The following SERPINB7 variants were observed in gnomAD, a reference collection of about 807,000 sequenced individuals.
The protein encoded by SERPINB7 is serpin family B member 7, also known as serpin B7.
A neutral mutation model predicts 37.4 loss-of-function variants in SERPINB7; 31 were observed. That is an observed-to-expected ratio of 0.83 (90% confidence interval 0.62 to 1.12). The LOEUF is 1.12. SERPINB7 is among the 50% of genes most tolerant of loss of function. The pLI, the probability that SERPINB7 is intolerant of heterozygous loss-of-function variation, is 0.00. For synonymous variants in SERPINB7, 163 were observed against 166.1 expected (o/e 0.98, Z 0.14); for missense variants, 521 against 455.3 (o/e 1.14, Z -1.31).
chr18:63,790,508 A>C (rs1339243780), intron 2 of SERPINB7, among the ~76,000 whole-genome samples: 1 of 152,288 alleles, frequency 6.6e-6, no homozygotes, highest in African/African-American at 2.4e-5. Flanking sequence ...TATAGTTTTT[A>C]AATTTGGTTG....
intron 1 of SERPINB7, among the ~76,000 whole-genome samples, chr18:63,767,870 G>A (rs1031982246): frequency 6.6e-6 from 1 of 152,054 alleles, no homozygotes; most frequent in Non-Finnish European, 1.5e-5. Context: ...CAGGTGATTT[G>A]TTTAATATGG....
intron 7 of SERPINB7, among the ~76,000 whole-genome samples, chr18:63,802,597 A>G (rs1255464414): frequency 6.6e-6 from 1 of 152,210 alleles, no homozygotes; most frequent in African/African-American, 2.4e-5. Context: ...ATTTGTGTGT[A>G]TGTATGTGCA....
chr18:63,762,632 G>T (rs149614084), intron 1 of SERPINB7, among the ~76,000 whole-genome samples: 1 of 152,164 alleles, frequency 6.6e-6, no homozygotes, highest in Non-Finnish European at 1.5e-5. Context: ...TGATAGCTCT[G>T]GGGGAGTGAC....
chr18:63,796,717 C>T (rs932730853), intron 5 of SERPINB7, among the ~76,000 whole-genome samples: 5 of 152,096 alleles, frequency 3.3e-5, no homozygotes, highest in Non-Finnish European at 4.4e-5. Flanking sequence ...ATCTCACCCT[C>T]GTTAGTGAAC....
intron 1 of SERPINB7, among the ~76,000 whole-genome samples, chr18:63,762,659 C>T (rs1247502014): frequency 6.6e-6 from 1 of 152,166 alleles, no homozygotes; most frequent in Admixed American, 6.5e-5. Flanking sequence ...AGAAAACTAA[C>T]AAGAGTTAGA....
chr18:63,766,266 C>A (rs1192418143), intron 1 of SERPINB7, among the ~76,000 whole-genome samples: 1 of 152,096 alleles, frequency 6.6e-6, no homozygotes, highest in Non-Finnish European at 1.5e-5. Context: ...TCCCGTTTCC[C>A]ATTAGTTTTC....
intron 2 of SERPINB7, among the ~76,000 whole-genome samples, chr18:63,784,303 A>G (rs910615693): frequency 2.0e-5 from 3 of 152,154 alleles, no homozygotes; most frequent in Admixed American, 6.5e-5. Flanking sequence ...TGTCCTATGC[A>G]TCATTTAGCA....
upstream of SERPINB7, among the ~76,000 whole-genome samples, chr18:63,772,043 T>C (rs936445245): frequency 3.9e-5 from 6 of 152,030 alleles, no homozygotes; most frequent in African/African-American, 1.4e-4. Flanking sequence ...GGCAGGGACG[T>C]TGTATAGAGA....
intron 4 of SERPINB7, among the ~76,000 whole-genome samples, chr18:63,795,168 T>C (rs970889809): frequency 6.6e-6 from 1 of 152,158 alleles, no homozygotes; most frequent in East Asian, 1.9e-4. Context: ...TTCACAGAAT[T>C]TGCTGTTTTG....
At chr18:63,799,009 T>A (rs1303625394) in intron 6 of SERPINB7, among the ~76,000 whole-genome samples, 2 of 152,244 alleles carry the variant, frequency 1.3e-5, no homozygotes, top group African/African-American at 2.4e-5. Context: ...GGTATGAATG[T>A]ATCTTAAGAT....
At chr18:63,780,356 G>C (rs2144608101) in intron 1 of SERPINB7, among the ~76,000 whole-genome samples, 1 of 152,158 alleles carries the variant, frequency 6.6e-6, no homozygotes, top group South Asian at 2.1e-4. Context: ...TTGTAAACTT[G>C]TTAATTTTGA....
intron 1 of SERPINB7, among the ~76,000 whole-genome samples, chr18:63,779,279 T>C (rs78098706): frequency 3.3e-5 from 5 of 152,162 alleles, no homozygotes; most frequent in African/African-American, 1.2e-4. Flanking sequence ...TTTGGTCTCA[T>C]GCTAATTTTT....
intron 1 of SERPINB7, among the ~76,000 whole-genome samples, chr18:63,762,174 C>G (rs373773989): frequency 6.6e-6 from 1 of 152,052 alleles, no homozygotes; most frequent in African/African-American, 2.4e-5. Flanking sequence ...GGTGCCAAGC[C>G]CAGCACCCAC....
upstream of SERPINB7, among the ~76,000 whole-genome samples, chr18:63,771,525 T>C (rs550166719): frequency 1.3e-5 from 2 of 152,260 alleles, no homozygotes; most frequent in Admixed American, 6.5e-5. Flanking sequence ...TTTCATGTGT[T>C]CTTATATGTT....
intron 7 of SERPINB7, among the ~76,000 whole-genome samples, chr18:63,803,401 G>A (rs1383182140): frequency 2.0e-5 from 3 of 152,086 alleles, no homozygotes; most frequent in Non-Finnish European, 2.9e-5. Context: ...AAGTTGTTTA[G>A]GATTGAAGTT....
chr18:63,779,334 G>A (rs185593796), intron 1 of SERPINB7, among the ~76,000 whole-genome samples: 12 of 152,212 alleles, frequency 7.9e-5, no homozygotes, highest in Admixed American at 1.3e-4. Flanking sequence ...AAAACAATCA[G>A]TTCAGTCTTA....
intron 6 of SERPINB7, among the ~76,000 whole-genome samples, 195 bp from the exon 7 acceptor site, chr18:63,800,671 G>A (rs751408588): frequency 3.0e-4 from 45 of 152,092 alleles, no homozygotes; most frequent in Non-Finnish European, 5.9e-4. Flanking sequence ...TAAACTCAAG[G>A]AATCAAATTT....
At chr18:63,796,056 A>C (rs899999937) in intron 4 of SERPINB7, among the ~76,000 whole-genome samples, 4 of 152,210 alleles carry the variant, frequency 2.6e-5, no homozygotes, top group Non-Finnish European at 5.9e-5. Context: ...ACTTAAGTTT[A>C]AACAGAGTAT....
At chr18:63,760,055 G>T (rs1335908395) in intron 1 of SERPINB7, among the ~76,000 whole-genome samples, 1 of 152,196 alleles carries the variant, frequency 6.6e-6, no homozygotes, top group African/African-American at 2.4e-5. Flanking sequence ...GCAGAGGTTG[G>T]AATAGTTTGG....
Sources: allele counts gnomAD v4.1 joint callset (sites outside exome capture counted in the v4.1 genomes callset), GRCh38; gene constraint gnomAD v4.1.1; transcripts MANE v1.5; gene names NCBI Gene and HGNC (gene_info 2026-07-23, HGNC 2026-07-21).